Variants in LARGE1 observed in about 807,000 individuals in gnomAD.
The protein encoded by LARGE1 is xylosyl- and glucuronyltransferase LARGE1.
A neutral mutation model predicts 87.6 loss-of-function variants in LARGE1; 43 were observed. The ratio of observed to expected loss-of-function variants is 0.49; its 90% CI spans 0.38 to 0.63. The LOEUF is 0.63. LARGE1 is among the 30% of genes least tolerant of loss of function. LARGE1 has a pLI of 0.00. For missense variants in LARGE1, 802 were observed against 1,000.2 expected (o/e 0.80, Z 2.67); for synonymous variants, 434 against 394.6 (o/e 1.10, Z -1.18).
At chr22:33,715,067 G>T (rs1349815277) in intron 2 of LARGE1, among the ~76,000 whole-genome samples, 1 of 152,078 alleles carries the variant, frequency 6.6e-6, no homozygotes, top group African/African-American at 2.4e-5. Flanking sequence ...ACCATCTTTG[G>T]GCTCCTACCT....
chr22:33,461,471 T>G (rs115193539), intron 6 of LARGE1, among the ~76,000 whole-genome samples: 1 of 152,034 alleles, frequency 6.6e-6, no homozygotes, highest in Non-Finnish European at 1.5e-5. Flanking sequence ...TTATGACCTT[T>G]GGACACAGGG....
chr22:33,303,810 G>C (rs530131128), intron 12 of LARGE1, among the ~76,000 whole-genome samples: 5 of 146,432 alleles, frequency 3.4e-5, no homozygotes, highest in East Asian at 2.0e-4. Context: ...TTTTTAGTAG[G>C]GGGGGGGTTT....
At chr22:33,807,860 A>C (rs2086364635) in intron 1 of LARGE1, among the ~76,000 whole-genome samples, 1 of 152,200 alleles carries the variant, frequency 6.6e-6, no homozygotes, top group Non-Finnish European at 1.5e-5. Flanking sequence ...GCTGAATAAT[A>C]TTCCATTGCC....
At chr22:33,640,427 C>T (rs559002773) in intron 3 of LARGE1, among the ~76,000 whole-genome samples, 3 of 152,182 alleles carry the variant, frequency 2.0e-5, no homozygotes, top group Admixed American at 2.0e-4. Context: ...TCAGTAAACA[C>T]AAAGAAAGAG....
In LARGE1 at chr22:33,626,231, A is replaced by T; in HGVS notation, c.491+13T>A. 6.2e-7 allele frequency: 1 copy of T among 1,611,908 alleles called. No homozygotes were observed. The highest frequency in any genetic ancestry group is 8.5e-7 in the Non-Finnish European group (1 of 1,177,990). On this transcript the variant is annotated intron_variant, in intron 4 of 14. Transcript: ENST00000397394. ...ACAGACCTCAGCCCACACAGCACAGAAGTTGTTCTTACCTATGGAACAGGA... is the reference window on the plus strand; with the variant it reads ...ACAGACCTCAGCCCACACAGCACAGTAGTTGTTCTTACCTATGGAACAGGA...
At chr22:33,755,422 C>G (rs1341820118) in intron 2 of LARGE1, among the ~76,000 whole-genome samples, 1 of 152,184 alleles carries the variant, frequency 6.6e-6, no homozygotes, top group Non-Finnish European at 1.5e-5. Context: ...CAGAGGGCAG[C>G]ATGTGTGAAG....
intron 5 of LARGE1, among the ~76,000 whole-genome samples, chr22:33,570,985 G>A (rs1375066138): frequency 6.6e-6 from 1 of 152,142 alleles, no homozygotes; most frequent in Non-Finnish European, 1.5e-5. Context: ...GTCAACACCT[G>A]GCAGAGTAAT....
intron 7 of LARGE1, among the ~76,000 whole-genome samples, chr22:33,410,942 T>C (rs1006750269): frequency 2.0e-5 from 3 of 152,206 alleles, no homozygotes; most frequent in Non-Finnish European, 4.4e-5. Context: ...AGAAATCAAG[T>C]GCCTCTTCCC....
At chr22:33,502,127 C>T (rs916017561) in intron 6 of LARGE1, among the ~76,000 whole-genome samples, 12 of 150,486 alleles carry the variant, frequency 8.0e-5, no homozygotes, top group South Asian at 6.4e-4. Flanking sequence ...ACCCAGGAGG[C>T]GGAGGCTGCA....
the LARGE1 span, among the ~76,000 whole-genome samples, chr22:33,127,036 T>G: frequency 6.6e-6 from 1 of 152,226 alleles, no homozygotes; most frequent in African/African-American, 2.4e-5. Flanking sequence ...TGTTCTTCAC[T>G]TTAGGTCCTG....
intron 2 of LARGE1, among the ~76,000 whole-genome samples, chr22:33,658,557 T>C (rs2081034718): frequency 6.6e-6 from 1 of 152,230 alleles, no homozygotes; most frequent in Admixed American, 6.5e-5. Flanking sequence ...TCTTTTCCTG[T>C]GTTACTCTGC....
At chr22:33,514,937 G>A (rs567168526) in intron 6 of LARGE1, among the ~76,000 whole-genome samples, 42 of 152,272 alleles carry the variant, frequency 2.8e-4, no homozygotes, top group Non-Finnish European at 5.6e-4. Context: ...TGTGTGAACA[G>A]CATGAACCAG....
chr22:33,575,797 G>A (rs1205510370), intron 5 of LARGE1, among the ~76,000 whole-genome samples: 2 of 152,124 alleles, frequency 1.3e-5, no homozygotes, highest in Non-Finnish European at 2.9e-5. Flanking sequence ...GAATGTGATC[G>A]TGGATCTACA....
intron 13 of LARGE1, among the ~76,000 whole-genome samples, chr22:33,281,321 A>T (rs1227902207): frequency 6.6e-6 from 1 of 152,056 alleles, no homozygotes; most frequent in African/African-American, 2.4e-5. Flanking sequence ...TGGGAGACTT[A>T]TATTAAGGTT....
intron 2 of LARGE1, among the ~76,000 whole-genome samples, chr22:33,670,434 T>C (rs1438075018): frequency 6.6e-6 from 1 of 151,412 alleles, no homozygotes; most frequent in Non-Finnish European, 1.5e-5. Flanking sequence ...TTGAGAGACA[T>C]GTTCAAGCAG....
At chr22:33,747,781 G>A (rs2084146129) in intron 2 of LARGE1, 1 of 152,156 alleles carries the variant, frequency 6.6e-6, no homozygotes, top group African/African-American at 2.4e-5. Context: ...TAACCTTGGT[G>A]ATCCACCCAA....
chr22:33,308,218 T>C (rs1935156293), intron 11 of LARGE1, among the ~76,000 whole-genome samples: 1 of 152,116 alleles, frequency 6.6e-6, no homozygotes, highest in African/African-American at 2.4e-5. Flanking sequence ...GAAGGAATTC[T>C]AGAGTCTCAG....
intron 10 of LARGE1, among the ~76,000 whole-genome samples, chr22:33,331,873 C>T (rs1937757303): frequency 1.3e-5 from 2 of 152,148 alleles, no homozygotes; most frequent in Non-Finnish European, 2.9e-5. Context: ...ACTTATTCAA[C>T]CTTTAAATCT....
At chr22:33,567,155 C>CT (rs1602473445) in intron 5 of LARGE1, among the ~76,000 whole-genome samples, 1 of 152,164 alleles carries the variant, frequency 6.6e-6, no homozygotes, top group East Asian at 1.9e-4. Context: ...TGTCTCATAG[C>CT]TGCCCTAAAT....
Sources: gnomAD v4.1 joint callset for allele counts (sites outside exome capture counted in the v4.1 genomes callset) on GRCh38, gnomAD v4.1.1 for gene constraint, MANE v1.5 for transcripts, NCBI Gene and HGNC (gene_info 2026-07-23, HGNC 2026-07-21) for gene names.